Variants in NUBPL observed in about 807,000 individuals in gnomAD.
The protein encoded by NUBPL is iron-sulfur cluster transfer protein NUBPL.
NUBPL carries 31 observed loss-of-function variants against 45.7 expected under a neutral mutation model. That is an observed-to-expected ratio of 0.68 (90% CI 0.51 to 0.92). The LOEUF (loss-of-function observed/expected upper bound fraction) is 0.92. NUBPL is among the 40% of genes least tolerant of loss of function. The pLI, the probability that NUBPL is intolerant of heterozygous loss-of-function variation, is 0.00. For missense variants in NUBPL, 401 were observed against 398.7 expected (o/e 1.01, Z -0.05); for synonymous variants, 144 against 140.9 (o/e 1.02, Z -0.15).
chr14:31,763,876 A>G (rs1262961402), intron 6 of NUBPL, among the ~76,000 whole-genome samples: 1 of 152,194 alleles, frequency 6.6e-6, no homozygotes, highest in Admixed American at 6.5e-5. Flanking sequence ...TTATAATCTA[A>G]TTAACAGTCC....
intron 8 of NUBPL, among the ~76,000 whole-genome samples, chr14:31,828,751 C>T (rs535307625): frequency 4.2e-4 from 64 of 152,302 alleles, no homozygotes; most frequent in African/African-American, 1.4e-3. Context: ...TATTATTTTT[C>T]AGTCCCTATG....
intron 6 of NUBPL, among the ~76,000 whole-genome samples, chr14:31,745,044 T>TTTTTTA (rs71430987): frequency 0.29 from 43,687 of 150,414 alleles, 7,117 homozygotes; most frequent in South Asian, 0.4. Flanking sequence ...TTATTTCTTT[T>TTTTTTA]TTTTTATTTT....
intron 6 of NUBPL, among the ~76,000 whole-genome samples, chr14:31,758,497 C>T (rs1169953785): frequency 6.6e-6 from 1 of 152,052 alleles, no homozygotes; most frequent in Non-Finnish European, 1.5e-5. Flanking sequence ...AAAATACCTG[C>T]ATTTTCCGTA....
intron 3 of NUBPL, among the ~76,000 whole-genome samples, chr14:31,582,369 T>C (rs1240131009): frequency 7.0e-6 from 1 of 143,754 alleles, no homozygotes; most frequent in African/African-American, 2.6e-5. Flanking sequence ...AAGGATGTTT[T>C]CAGGAAAATT....
chr14:31,680,961 A>G (rs916712276), intron 6 of NUBPL, among the ~76,000 whole-genome samples: 40 of 152,104 alleles, frequency 2.6e-4, no homozygotes, highest in Non-Finnish European at 5.3e-4. Flanking sequence ...TTGCTAGTGC[A>G]GATATTTTGT....
chr14:31,684,975 A>G (rs566031841), intron 6 of NUBPL, among the ~76,000 whole-genome samples: 2 of 152,222 alleles, frequency 1.3e-5, no homozygotes, highest in Admixed American at 6.5e-5. Flanking sequence ...ACAGGAAAAG[A>G]AGTAGTTCAA....
chr14:31,585,415 G>A (rs909666738), intron 3 of NUBPL, among the ~76,000 whole-genome samples: 2 of 152,188 alleles, frequency 1.3e-5, no homozygotes, highest in African/African-American at 4.8e-5. Flanking sequence ...CCATTGTATG[G>A]ATGGATCATA....
At chr14:31,763,667 T>C (rs2038858964) in intron 6 of NUBPL, among the ~76,000 whole-genome samples, 1 of 152,232 alleles carries the variant, frequency 6.6e-6, no homozygotes, top group South Asian at 2.1e-4. Flanking sequence ...GTATGTCTTG[T>C]TTTCTGATGA....
intron 6 of NUBPL, among the ~76,000 whole-genome samples, chr14:31,771,640 A>G (rs1409305703): frequency 6.6e-6 from 1 of 152,202 alleles, no homozygotes; most frequent in African/African-American, 2.4e-5. Flanking sequence ...CAACTCTTGT[A>G]ACTTCTCTAA....
chr14:31,609,676 A>G (rs997552875), intron 4 of NUBPL, among the ~76,000 whole-genome samples: 5 of 152,218 alleles, frequency 3.3e-5, no homozygotes, highest in Admixed American at 2.0e-4. Context: ...GTTAGGTCAC[A>G]AAACAAGTCT....
At chr14:31,854,835 A>G (rs1161483676) in intron 10 of NUBPL, among the ~76,000 whole-genome samples, 1 of 152,236 alleles carries the variant, frequency 6.6e-6, no homozygotes, top group African/African-American at 2.4e-5. Context: ...CTTGCACGCA[A>G]TACAAACCAA....
At chr14:31,806,584 T>C (rs1178613782) in intron 7 of NUBPL, among the ~76,000 whole-genome samples, 1 of 152,168 alleles carries the variant, frequency 6.6e-6, no homozygotes, top group African/African-American at 2.4e-5. Context: ...TTTTATCTTT[T>C]CTTTTTTCTG....
intron 6 of NUBPL, among the ~76,000 whole-genome samples, chr14:31,700,632 A>C (rs997559180): frequency 7.3e-4 from 111 of 151,996 alleles, no homozygotes; most frequent in Non-Finnish European, 9.4e-4. Flanking sequence ...CGGGCCCTGC[A>C]CTTCGAGCGG....
intron 8 of NUBPL, among the ~76,000 whole-genome samples, chr14:31,833,845 A>G (rs1407691479): frequency 1.3e-5 from 2 of 152,184 alleles, no homozygotes; most frequent in East Asian, 1.9e-4. Flanking sequence ...CGCACATTCT[A>G]TTAGCTAAAA....
intron 6 of NUBPL, among the ~76,000 whole-genome samples, chr14:31,780,299 G>C (rs1021743758): frequency 5.3e-5 from 8 of 151,806 alleles, no homozygotes; most frequent in African/African-American, 1.9e-4. Context: ...GTGAACTCCT[G>C]ACCTCGTGAT....
rs186191977 is a variant in NUBPL, at chr14:31,716,986, C to T, written c.513+43412C>T. 1.1e-3 allele frequency among the ~76,000 whole-genome samples: 168 copies of T among 152,304 alleles called. No homozygotes were observed. The Middle Eastern group carries it at 0.014, about 12-fold the overall frequency. ...TGTTTTTTGGGAAAGCTGTAACAGA[C>T]TCTTTACCTATATTCCTATATAATC... On this transcript the variant is annotated intron_variant, in intron 6 of 10. Transcript: ENST00000281081.
chr14:31,599,403 TATA>T, intron 4 of NUBPL, 24 bp downstream of exon 4: 1 of 1,504,296 alleles, frequency 6.6e-7, no homozygotes, highest in Middle Eastern at 1.9e-4. Flanking sequence ...GGATAAATAT[TATA>T]ATAATAGTTG....
At chr14:31,775,857 T>G (rs2039089729) in intron 6 of NUBPL, among the ~76,000 whole-genome samples, 1 of 152,136 alleles carries the variant, frequency 6.6e-6, no homozygotes, top group Non-Finnish European at 1.5e-5. Context: ...ATGAAGCTAA[T>G]AAAGCTTAAG....
At chr14:31,762,584 G>T (rs756634182) in intron 6 of NUBPL, among the ~76,000 whole-genome samples, 3 of 152,134 alleles carry the variant, frequency 2.0e-5, no homozygotes, top group African/African-American at 4.8e-5. Context: ...AAATGATTCA[G>T]TTGTTACAAA....
Sources: gnomAD v4.1 joint callset for allele counts (sites outside exome capture counted in the v4.1 genomes callset) on GRCh38, gnomAD v4.1.1 for gene constraint, MANE v1.5 for transcripts, NCBI Gene and HGNC (gene_info 2026-07-23, HGNC 2026-07-21) for gene names.